The following CTNND2 variants were observed in gnomAD, a reference collection of about 807,000 sequenced individuals.
CTNND2 encodes the protein catenin delta-2.
A neutral mutation model predicts 144.4 loss-of-function variants in CTNND2; 22 were observed. The observed-to-expected ratio is 0.15, with a 90% CI of 0.11 to 0.22. The LOEUF is 0.22. Ranked by LOEUF, CTNND2 falls within the 10% of genes least tolerant of loss-of-function variation. The pLI, the probability that CTNND2 is intolerant of heterozygous loss-of-function variation, is 1.00. For missense variants in CTNND2, 1,353 were observed against 1,618.8 expected (o/e 0.84, Z 2.82); for synonymous variants, 751 against 695.6 (o/e 1.08, Z -1.25).
At chr5:11,517,610 G>A (rs570226121) in intron 3 of CTNND2, among the ~76,000 whole-genome samples, 10 of 151,464 alleles carry the variant, frequency 6.6e-5, no homozygotes, top group Non-Finnish European at 1.2e-4. Context: ...ATCACACACC[G>A]GGGCCTCTCG....
intron 12 of CTNND2, among the ~76,000 whole-genome samples, chr5:11,148,167 C>A (rs1428943182): frequency 6.6e-6 from 1 of 152,110 alleles, no homozygotes; most frequent in African/African-American, 2.4e-5. Flanking sequence ...AGGGCCTGGG[C>A]AAGGCAGAAT....
chr5:11,338,429 A>G (rs1390871887), intron 9 of CTNND2, among the ~76,000 whole-genome samples: 1 of 152,192 alleles, frequency 6.6e-6, no homozygotes, highest in East Asian at 1.9e-4. Flanking sequence ...CTTGGGGTAC[A>G]GTCTGTTTTA....
At chr5:11,374,686 C>A (rs1325543961) in intron 7 of CTNND2, among the ~76,000 whole-genome samples, 1 of 151,610 alleles carries the variant, frequency 6.6e-6, no homozygotes, top group Non-Finnish European at 1.5e-5. Flanking sequence ...TCCAACAGTG[C>A]ATCTGGAGTC....
At chr5:11,533,023 T>A (rs1426298110) in intron 3 of CTNND2, among the ~76,000 whole-genome samples, 1 of 152,200 alleles carries the variant, frequency 6.6e-6, no homozygotes, top group Non-Finnish European at 1.5e-5. Context: ...AGTGGAAACT[T>A]GAACACCAGC....
intron 1 of CTNND2, among the ~76,000 whole-genome samples, chr5:11,811,760 C>A (rs1443968509): frequency 6.6e-6 from 1 of 152,072 alleles, no homozygotes; most frequent in Non-Finnish European, 1.5e-5. Flanking sequence ...CTGAATTCTA[C>A]CGTTGCTTTA....
chr5:11,571,448 GT>G (rs1777545436), intron 2 of CTNND2, among the ~76,000 whole-genome samples: 1 of 152,106 alleles, frequency 6.6e-6, no homozygotes, highest in African/African-American at 2.4e-5. Flanking sequence ...TTGAGGAGGG[GT>G]GGGTCTCAAA....
chr5:11,327,306 G>T (rs577934299), intron 9 of CTNND2, among the ~76,000 whole-genome samples: 3 of 152,262 alleles, frequency 2.0e-5, no homozygotes, highest in East Asian at 3.9e-4. Context: ...TGGGACAAAG[G>T]CTCAGTGGGA....
chr5:11,350,979 C>A (rs1477554510), intron 8 of CTNND2, among the ~76,000 whole-genome samples: 1 of 152,078 alleles, frequency 6.6e-6, no homozygotes, highest in African/African-American at 2.4e-5. Flanking sequence ...TGGAAAAGTG[C>A]GTATGGCATT....
At chr5:11,419,262 C>T (rs911104535) in intron 3 of CTNND2, among the ~76,000 whole-genome samples, 33 of 151,994 alleles carry the variant, frequency 2.2e-4, no homozygotes, top group African/African-American at 8.0e-4. Context: ...AAAATGTTAA[C>T]ATTATTTTAA....
rs531718094 is a variant in CTNND2 at position 11,745,025 on chromosome 5, C to G, written c.38-12753G>C. Among the ~76,000 whole-genome samples, 4 of 152,210 alleles carry G rather than the reference C, an allele frequency of 2.6e-5. No homozygotes were observed. In the South Asian group the frequency reaches 8.3e-4, roughly 32 times the overall value. ...GGGATTACAGGCATGAGCCACCATGCCCAGCTAAGGATTTTAAGAAATTGG... is the reference window on the plus strand; with the variant it reads ...GGGATTACAGGCATGAGCCACCATGGCCAGCTAAGGATTTTAAGAAATTGG... On this transcript the variant is annotated intron_variant, in intron 1 of 21. Coordinates refer to ENST00000304623, the MANE Select transcript of CTNND2 (RefSeq NM_001332.4).
chr5:11,405,559 C>T (rs376864892), intron 5 of CTNND2, among the ~76,000 whole-genome samples: 22 of 150,108 alleles, frequency 1.5e-4, no homozygotes, highest in African/African-American at 4.4e-4. Context: ...TCCAGCCTGG[C>T]GACAGAGCAG....
At chr5:11,679,975 C>T (rs372224469) in intron 2 of CTNND2, among the ~76,000 whole-genome samples, 76 of 152,222 alleles carry the variant, frequency 5.0e-4, no homozygotes, top group African/African-American at 1.7e-3. Flanking sequence ...AGAATAGAAT[C>T]CAAGCACATA....
intron 8 of CTNND2, among the ~76,000 whole-genome samples, chr5:11,351,873 T>C (rs529819844): frequency 2.6e-5 from 4 of 152,134 alleles, no homozygotes; most frequent in Non-Finnish European, 5.9e-5. Flanking sequence ...CTCTGAAAGT[T>C]CAGAAAACAA....
At chr5:11,709,658 G>C (rs1015693916) in intron 2 of CTNND2, among the ~76,000 whole-genome samples, 1 of 152,160 alleles carries the variant, frequency 6.6e-6, no homozygotes, top group African/African-American at 2.4e-5. Context: ...GAGCAGTGCA[G>C]AGAGAATTGC....
At chr5:11,156,269 T>C (rs1395319839) in intron 12 of CTNND2, among the ~76,000 whole-genome samples, 2 of 152,190 alleles carry the variant, frequency 1.3e-5, no homozygotes, top group Non-Finnish European at 2.9e-5. Context: ...ATAGATTATT[T>C]TTTTCCAAAA....
intron 3 of CTNND2, among the ~76,000 whole-genome samples, chr5:11,509,801 G>A (rs1183159366): frequency 6.6e-6 from 1 of 152,182 alleles, no homozygotes; most frequent in African/African-American, 2.4e-5. Context: ...CAGGTGCTAC[G>A]GAGGAATGTT....
chr5:11,540,237 G>A (rs1774601888), intron 3 of CTNND2, among the ~76,000 whole-genome samples: 1 of 152,046 alleles, frequency 6.6e-6, no homozygotes, highest in African/African-American at 2.4e-5. Context: ...TCAGTTAACA[G>A]GAATCTTTCT....
chr5:11,732,096 T>C, intron 2 of CTNND2, 40 bp downstream of exon 2: 7 of 1,566,912 alleles, frequency 4.5e-6, no homozygotes, highest in Non-Finnish European at 6.1e-6. Context: ...ATTTTTAAAA[T>C]GTCCCCAAAC....
chr5:11,678,754 G>T (rs1784293019), intron 2 of CTNND2, among the ~76,000 whole-genome samples: 1 of 152,054 alleles, frequency 6.6e-6, no homozygotes, highest in Admixed American at 6.6e-5. Context: ...ACTATATTAA[G>T]AGTATGGCAA....
Sources: allele counts gnomAD v4.1 joint callset (sites outside exome capture counted in the v4.1 genomes callset), GRCh38; gene constraint gnomAD v4.1.1; transcripts MANE v1.5; gene names NCBI Gene and HGNC (gene_info 2026-07-23, HGNC 2026-07-21).